NFIC: variants seen among roughly 807,000 people sequenced by gnomAD.
NFIC encodes nuclear factor 1 C-type.
Under a neutral mutation model 54.4 loss-of-function variants are expected in NFIC, and 12 were observed. The observed-to-expected ratio is 0.22, with a 90% confidence interval of 0.14 to 0.36. NFIC has a LOEUF of 0.36. NFIC is among the 10% of genes least tolerant of loss of function. NFIC has a pLI of 1.00. For synonymous variants in NFIC, 322 were observed against 319.2 expected, an observed-to-expected ratio of 1.01 and a Z score of -0.09; for missense variants, 575 against 718.2, an observed-to-expected ratio of 0.80 and a Z score of 2.28.
intron 6 of NFIC, among the ~76,000 whole-genome samples, chr19:3,444,875 A>C (rs769228443): frequency 2.6e-5 from 4 of 152,210 alleles, no homozygotes; most frequent in Non-Finnish European, 4.4e-5. Flanking sequence ...AGGCGTGCAC[A>C]CATGTATGCA....
chr19:3,454,198 C>G (rs1380351841), intron 9 of NFIC: 2 of 1,235,732 alleles, frequency 1.6e-6, no homozygotes, highest in African/African-American at 1.6e-5. Context: ...CGTGGGCCGT[C>G]AGAAACCCTC....
At chr19:3,440,808 A>T (rs1340706979) in intron 6 of NFIC, among the ~76,000 whole-genome samples, 2 of 152,142 alleles carry the variant, frequency 1.3e-5, no homozygotes, top group Non-Finnish European at 2.9e-5. Context: ...GGCGTGAGCC[A>T]CTGCGCCTGG....
At chr19:3,451,493 G>A (rs1377736346) in intron 7 of NFIC, among the ~76,000 whole-genome samples, 2 of 151,812 alleles carry the variant, frequency 1.3e-5, no homozygotes, top group Non-Finnish European at 2.9e-5. Context: ...AATTAACCAG[G>A]CGTGGTGGCA....
intron 6 of NFIC, among the ~76,000 whole-genome samples, chr19:3,441,729 C>T (rs2082296983): frequency 6.6e-6 from 1 of 152,200 alleles, no homozygotes; most frequent in Non-Finnish European, 1.5e-5. Context: ...ACGGGGAGGG[C>T]CAGGCTTATT....
chr19:3,359,680 G>A, exon 1 of NFIC: 3 of 1,421,194 alleles, frequency 2.1e-6, no homozygotes, highest in South Asian at 1.4e-5. Context: ...TCGCAGCAGC[G>A]CCATGGTACG....
intron 2 of NFIC, among the ~76,000 whole-genome samples, chr19:3,393,027 G>A (rs1299648548): frequency 3.9e-5 from 6 of 151,982 alleles, no homozygotes; most frequent in Admixed American, 3.3e-4. Flanking sequence ...TGCAACCTCC[G>A]CCTCCTGAGT....
At position 3,463,070 on chromosome 19, in the gene NFIC, C is replaced by G. The variant is rs960874108; in HGVS notation, c.*301C>G. 5.4e-6 allele frequency: 7 copies of G among 1,307,646 alleles called. No individual in the cohort carries two copies. The highest frequency in any genetic ancestry group is 6.8e-6 in the Non-Finnish European group (7 of 1,029,610). 81.0% of individuals were successfully genotyped at this position (1,307,646 alleles called of 1,614,324 possible). Reference sequence around the variant, plus strand: ...GCCGCAGGACTGGAGGGCCAGGCCCCGCCACCCCCACGGGAGACCCGGGAC... The same window carrying G: ...GCCGCAGGACTGGAGGGCCAGGCCCGGCCACCCCCACGGGAGACCCGGGAC... On this transcript the variant is annotated 3_prime_UTR_variant, in exon 11 of 11. Transcript: ENST00000443272.
intron 2 of NFIC, among the ~76,000 whole-genome samples, chr19:3,404,777 G>A (rs1292875385): frequency 6.6e-6 from 1 of 152,228 alleles, no homozygotes. Flanking sequence ...AGCGTCCCCA[G>A]CACGGGGCGA....
At chr19:3,361,763 C>T (rs2080814877), upstream of NFIC, among the ~76,000 whole-genome samples, 1 of 152,076 alleles carries the variant, frequency 6.6e-6, no homozygotes, top group Non-Finnish European at 1.5e-5. Flanking sequence ...CGGTTGGATG[C>T]CCTGGCCTTC....
At chr19:3,367,934 C>T (rs1198989832) in intron 1 of NFIC, among the ~76,000 whole-genome samples, 1 of 152,198 alleles carries the variant, frequency 6.6e-6, no homozygotes, top group African/African-American at 2.4e-5. Flanking sequence ...GTCTTTCTCA[C>T]CGGCCCCCTG....
At chr19:3,366,564 T>TGGGGGGGGGGGGGGGGGGG, upstream of NFIC, 2 of 460,480 alleles carry the variant, frequency 4.3e-6, no homozygotes. Flanking sequence ...GGCGGGGGGG[T>TGGGGGGGGGGGGGGGGGGG]GGTTTGGAAA....
chr19:3,397,639 A>G (rs940616493), intron 2 of NFIC, among the ~76,000 whole-genome samples: 1 of 151,966 alleles, frequency 6.6e-6, no homozygotes, highest in Non-Finnish European at 1.5e-5. Flanking sequence ...GTCTCCTCCC[A>G]GCCCCCCATC....
At chr19:3,401,074 G>A (rs943623271) in intron 2 of NFIC, among the ~76,000 whole-genome samples, 3 of 152,326 alleles carry the variant, frequency 2.0e-5, no homozygotes, top group African/African-American at 7.2e-5. Flanking sequence ...CCCGTGCAAA[G>A]GCCCTGCGGC....
chr19:3,399,826 G>A (rs2081525769), intron 2 of NFIC, among the ~76,000 whole-genome samples: 1 of 152,024 alleles, frequency 6.6e-6, no homozygotes, highest in African/African-American at 2.4e-5. Context: ...AGCCGAGATC[G>A]TGCCACTGCA....
chr19:3,431,481 G>C (rs1374553650), intron 3 of NFIC, among the ~76,000 whole-genome samples: 1 of 134,242 alleles, frequency 7.4e-6, no homozygotes, highest in Non-Finnish European at 1.5e-5. Flanking sequence ...CTATCCTCCC[G>C]CCTCGGCCTC....
At chr19:3,436,946 G>A (rs1481989288) in intron 6 of NFIC, among the ~76,000 whole-genome samples, 1 of 152,134 alleles carries the variant, frequency 6.6e-6, no homozygotes, top group Non-Finnish European at 1.5e-5. Context: ...CTCCACAATG[G>A]GGGTGATGTG....
rs1278176926 is a variant in NFIC, at chr19:3,459,169, C to A, written c.1509+2534C>A. ...TTCCTGGCGGATTCGCTTCCCTCTG[C>A]CCCCTCCTCCCCCAAAGCCTGGGTG... is the stretch of plus-strand genomic sequence containing the variant. On this transcript the variant is annotated intron_variant, in intron 10 of 10. Coordinates refer to ENST00000443272, the MANE Select transcript of NFIC (RefSeq NM_001245002.2). This position sits in a 1 kb window ranked among gnomAD's most constrained non-coding sequence, Gnocchi z 4.2. Among the ~76,000 whole-genome samples, 1 of 151,854 alleles carries A rather than the reference C, an allele frequency of 6.6e-6. No homozygotes were observed. The highest frequency in any genetic ancestry group is 2.4e-5 in the African/African-American group (1 of 41,338).
At chr19:3,417,624 C>CT (rs757954619) in intron 2 of NFIC, among the ~76,000 whole-genome samples, 5,342 of 121,592 alleles carry the variant, frequency 0.044, 391 homozygotes, top group African/African-American at 0.13. Flanking sequence ...TTTTTCTTTT[C>CT]TTTTTTTTTT....
chr19:3,460,675 G>A (rs2082625728), intron 10 of NFIC, among the ~76,000 whole-genome samples: 1 of 151,938 alleles, frequency 6.6e-6, no homozygotes, highest in Non-Finnish European at 1.5e-5. Flanking sequence ...CACCACGCCT[G>A]GCTAATTTTT....
Sources: allele counts gnomAD v4.1 joint callset (sites outside exome capture counted in the v4.1 genomes callset), GRCh38; gene constraint gnomAD v4.1.1; non-coding constraint Gnocchi (gnomAD v3.1); transcripts MANE v1.5; gene names NCBI Gene and HGNC (gene_info 2026-07-23, HGNC 2026-07-21).